The following DPYD variants were observed in gnomAD, a reference collection of about 807,000 sequenced individuals.
The protein encoded by DPYD is dihydropyrimidine dehydrogenase [NADP(+)].
A neutral mutation model predicts 116.2 loss-of-function variants in DPYD; 109 were observed. That is an observed-to-expected ratio of 0.94 (90% CI 0.80 to 1.10). DPYD has a LOEUF of 1.10. Among genes scored for constraint, DPYD ranks in the 50% least tolerant of loss-of-function variants. The pLI is 0.00. For missense variants in DPYD, 1,302 were observed against 1,254.5 expected (o/e 1.04, Z -0.57); for synonymous variants, 440 against 432.0 (o/e 1.02, Z -0.23).
At chr1:97,204,302 A>T (rs1312993938) in intron 19 of DPYD, among the ~76,000 whole-genome samples, 1 of 152,156 alleles carries the variant, frequency 6.6e-6, no homozygotes, top group Non-Finnish European at 1.5e-5. Flanking sequence ...AATAAATTGT[A>T]TGCTAGTTTT....
chr1:97,134,299 T>G (rs561470218), intron 20 of DPYD, among the ~76,000 whole-genome samples: 1 of 152,096 alleles, frequency 6.6e-6, no homozygotes, highest in African/African-American at 2.4e-5. Context: ...AACCTGAGTA[T>G]AAATATTTGC....
At chr1:97,234,434 A>C (rs1334514252) in intron 19 of DPYD, among the ~76,000 whole-genome samples, 1 of 152,152 alleles carries the variant, frequency 6.6e-6, no homozygotes, top group East Asian at 1.9e-4. Flanking sequence ...CTAATAATTT[A>C]TTTCTTTGGC....
chr1:97,681,258 A>G (rs1013174921), intron 7 of DPYD, among the ~76,000 whole-genome samples: 6 of 152,098 alleles, frequency 3.9e-5, no homozygotes, highest in Non-Finnish European at 7.4e-5. Flanking sequence ...GTGCCTCTTG[A>G]GGTTAGAGGG....
chr1:97,266,804 T>C (rs2100873380), intron 18 of DPYD, among the ~76,000 whole-genome samples: 1 of 152,194 alleles, frequency 6.6e-6, no homozygotes, highest in East Asian at 1.9e-4. Flanking sequence ...CTTGTGATAA[T>C]TTGCTCAGAA....
At chr1:97,645,482 C>A (rs1658204641) in intron 8 of DPYD, among the ~76,000 whole-genome samples, 1 of 151,992 alleles carries the variant, frequency 6.6e-6, no homozygotes, top group African/African-American at 2.4e-5. Context: ...ATATCAATGC[C>A]ATGTAAGAAA....
intron 12 of DPYD, among the ~76,000 whole-genome samples, chr1:97,528,810 A>G (rs1339165051): frequency 6.6e-6 from 1 of 152,102 alleles, no homozygotes; most frequent in Admixed American, 6.5e-5. Context: ...TGACTTCTGC[A>G]TTCTCCTTGC....
chr1:97,764,956 A>G (rs555484584), intron 3 of DPYD, among the ~76,000 whole-genome samples: 4 of 152,296 alleles, frequency 2.6e-5, no homozygotes, highest in African/African-American at 9.6e-5. Context: ...ATTAAGTTCT[A>G]CGTGAACTAA....
chr1:97,153,692 A>C (rs1165462998), intron 20 of DPYD, among the ~76,000 whole-genome samples: 2 of 152,208 alleles, frequency 1.3e-5, no homozygotes, highest in African/African-American at 2.4e-5. Context: ...AAAAGAAATA[A>C]TCAGCAGAGT....
intron 13 of DPYD, among the ~76,000 whole-genome samples, chr1:97,486,571 T>C (rs1487370448): frequency 6.6e-6 from 1 of 152,164 alleles, no homozygotes; most frequent in African/African-American, 2.4e-5. Context: ...TCATATCCAT[T>C]ACTCAGATAG....
At chr1:97,194,788 C>A (rs1306334705) in intron 19 of DPYD, among the ~76,000 whole-genome samples, 1 of 152,038 alleles carries the variant, frequency 6.6e-6, no homozygotes, top group Non-Finnish European at 1.5e-5. Flanking sequence ...CAGGCGTGAC[C>A]CACTGTGCCC....
chr1:97,642,938 A>G (rs950505257), intron 8 of DPYD, among the ~76,000 whole-genome samples: 4 of 151,960 alleles, frequency 2.6e-5, no homozygotes, highest in African/African-American at 9.7e-5. Flanking sequence ...TAAATTTAAA[A>G]GATGGATTAA....
chr1:97,297,466 A>G (rs1666604040), intron 18 of DPYD, among the ~76,000 whole-genome samples: 1 of 152,210 alleles, frequency 6.6e-6, no homozygotes, highest in African/African-American at 2.4e-5. Flanking sequence ...GGTTTCAAGC[A>G]GCTTCCAGGA....
At chr1:97,794,746 T>C (rs1285200072) in intron 3 of DPYD, among the ~76,000 whole-genome samples, 1 of 152,150 alleles carries the variant, frequency 6.6e-6, no homozygotes, top group African/African-American at 2.4e-5. Flanking sequence ...ACCACGCTTA[T>C]TTCACACTTA....
chr1:97,391,819 G>A (rs1672720882), intron 14 of DPYD, among the ~76,000 whole-genome samples: 1 of 152,032 alleles, frequency 6.6e-6, no homozygotes. Flanking sequence ...CAAGACCATA[G>A]TGCAACTTTT....
At chr1:97,549,480 T>C in intron 12 of DPYD, 80 bp downstream of exon 12, 6 of 1,440,466 alleles carry the variant, frequency 4.2e-6, no homozygotes, top group African/African-American at 1.4e-5. Flanking sequence ...ATAGAAATGC[T>C]CTTATAGATG....
chr1:97,538,481 T>C (rs1461954468), intron 12 of DPYD, among the ~76,000 whole-genome samples: 1 of 152,224 alleles, frequency 6.6e-6, no homozygotes, highest in Non-Finnish European at 1.5e-5. Flanking sequence ...CTGAGATACT[T>C]AGTTCCCTCA....
At chr1:97,784,289 C>T (rs1051606687) in intron 3 of DPYD, among the ~76,000 whole-genome samples, 1 of 151,676 alleles carries the variant, frequency 6.6e-6, no homozygotes, top group African/African-American at 2.4e-5. Context: ...AAAAATTACT[C>T]TTACAGTGTA....
At chr1:97,535,167 T>C (rs1441576087) in intron 12 of DPYD, among the ~76,000 whole-genome samples, 1 of 152,160 alleles carries the variant, frequency 6.6e-6, no homozygotes, top group Non-Finnish European at 1.5e-5. Context: ...TATACCATCC[T>C]GGATATTTTT....
At chr1:97,874,883 C>T (rs1269236640) in intron 2 of DPYD, among the ~76,000 whole-genome samples, 1 of 151,794 alleles carries the variant, frequency 6.6e-6, no homozygotes. Flanking sequence ...TATATACTAA[C>T]AACAACAAAA....
Sources: gnomAD v4.1 joint callset for allele counts (sites outside exome capture counted in the v4.1 genomes callset) on GRCh38, gnomAD v4.1.1 for gene constraint, MANE v1.5 for transcripts, NCBI Gene and HGNC (gene_info 2026-07-23, HGNC 2026-07-21) for gene names.